The following CPQ variants were observed in gnomAD, a reference collection of about 807,000 sequenced individuals.
CPQ encodes carboxypeptidase Q.
In CPQ, 37 loss-of-function variants were observed where a neutral mutation model predicts 45.7. The ratio of observed to expected loss-of-function variants is 0.81; its 90% CI spans 0.62 to 1.07. The LOEUF is 1.07. CPQ is among the 50% of genes least tolerant of loss of function. The pLI is 0.00. For synonymous variants in CPQ, 186 were observed against 205.8 expected (o/e 0.90, Z 0.82); for missense variants, 537 against 572.9 (o/e 0.94, Z 0.64).
rs76855747 is a variant in CPQ, at chr8:96,900,051, A to C, written c.849+20046A>C. On this transcript the variant is annotated intron_variant, in intron 4 of 7. Coordinates refer to ENST00000220763, the MANE Select transcript of CPQ (RefSeq NM_016134.4). ...GTACCTTTTCTTTCTGACTAACAGA[A>C]CTCTCTTGTTGTAAAACAGCCCAGT... Among the ~76,000 whole-genome samples, 947 of 151,974 alleles carry C rather than the reference A, an allele frequency of 6.2e-3. 7 individuals are homozygous for C. The highest frequency in any genetic ancestry group is 0.011 in the Non-Finnish European group (740 of 67,956).
chr8:96,813,221 A>T (rs1050358375), intron 2 of CPQ, among the ~76,000 whole-genome samples: 1 of 152,098 alleles, frequency 6.6e-6, no homozygotes, highest in Admixed American at 6.6e-5. Context: ...CTTCTATGTA[A>T]TCAAGAGATA....
intron 3 of CPQ, among the ~76,000 whole-genome samples, chr8:96,867,161 T>C (rs1315899267): frequency 1.3e-5 from 2 of 152,092 alleles, no homozygotes; most frequent in Non-Finnish European, 2.9e-5. Context: ...CAATGTTTCT[T>C]ATACCTTCCC....
chr8:96,811,408 C>G (rs1196802399), intron 2 of CPQ, among the ~76,000 whole-genome samples: 1 of 151,852 alleles, frequency 6.6e-6, no homozygotes, highest in African/African-American at 2.4e-5. Context: ...TTATTTGGAA[C>G]AAAATGGAAG....
Position 96,936,833 on chromosome 8 carries a change from G to A in CPQ, c.850-29102G>A, listed in dbSNP as rs113972121. Among the ~76,000 whole-genome samples, 788 of 152,196 alleles carry A rather than the reference G, an allele frequency of 5.2e-3. 6 individuals are homozygous for A. Among genetic ancestry groups the A allele is most frequent in the African/African-American group, 0.018 (739 of 41,518 alleles). On this transcript the variant is annotated intron_variant, in intron 4 of 7. Coordinates refer to ENST00000220763, the MANE Select transcript of CPQ (RefSeq NM_016134.4). The stretch of plus-strand genomic sequence containing the variant: ...AGAAGGTTCTCAGTAAGCATATGAC[G>A]TATCTATTACTTTATCTTTACCTTG...
chr8:96,973,286 A>G (rs1813713234), intron 5 of CPQ, among the ~76,000 whole-genome samples: 1 of 152,184 alleles, frequency 6.6e-6, no homozygotes, highest in Non-Finnish European at 1.5e-5. Context: ...TTCAAAGACA[A>G]GGCTTTCAAA....
At chr8:96,870,878 A>G (rs1288560231) in intron 3 of CPQ, among the ~76,000 whole-genome samples, 1 of 151,984 alleles carries the variant, frequency 6.6e-6, no homozygotes, top group Admixed American at 6.6e-5. Context: ...GGATCACTAC[A>G]TATTTGAATA....
chr8:96,791,240 A>C lies in CPQ; in HGVS notation c.433+5910A>C, dbSNP rs113620435. On this transcript the variant is annotated intron_variant, in intron 2 of 7. Transcript: ENST00000220763. ...AGTTTGTGCTTTTAGTCATTAGACTATATTGCCTCACATACAAATATTTTA... is the reference window on the plus strand; with the variant it reads ...AGTTTGTGCTTTTAGTCATTAGACTCTATTGCCTCACATACAAATATTTTA... 2.1e-3 allele frequency among the ~76,000 whole-genome samples: 326 copies of C among 152,306 alleles called. 2 individuals carry two copies. The highest frequency in any genetic ancestry group is 6.8e-3 in the African/African-American group (282 of 41,566).
chr8:97,005,989 G>T (rs1319062625), intron 5 of CPQ, among the ~76,000 whole-genome samples: 1 of 152,102 alleles, frequency 6.6e-6, no homozygotes, highest in Non-Finnish European at 1.5e-5. Context: ...AACATCCCAG[G>T]TATCGTCTGC....
chr8:97,014,417 G>A (rs1470676155), intron 5 of CPQ, among the ~76,000 whole-genome samples: 2 of 152,154 alleles, frequency 1.3e-5, no homozygotes, highest in East Asian at 3.9e-4. Flanking sequence ...TTGGGAGGCC[G>A]AGGCGGGCAG....
chr8:96,757,354 G>GATA (rs3036414), intron 1 of CPQ, among the ~76,000 whole-genome samples: 4,421 of 139,322 alleles, frequency 0.032, 79 homozygotes, highest in African/African-American at 0.043. Context: ...CCATCTCAAT[G>GATA]ATAATAATAA....
intron 2 of CPQ, among the ~76,000 whole-genome samples, chr8:96,800,229 C>T (rs563785033): frequency 3.3e-5 from 5 of 152,134 alleles, no homozygotes; most frequent in Admixed American, 2.6e-4. Flanking sequence ...AAGAGGAAGC[C>T]TAAAAGCTAG....
At position 97,065,998 on chromosome 8, in the gene CPQ, C is replaced by T; in HGVS notation, c.1054-11C>T. 1 of 1,609,358 alleles carries T rather than the reference C, an allele frequency of 6.2e-7. No individual in the cohort carries two copies. Among genetic ancestry groups the T allele is most frequent in the South Asian group, 1.1e-5 (1 of 90,346 alleles). On this transcript the variant is annotated splice_polypyrimidine_tract_variant and intron_variant, in intron 6 of 7. Coordinates refer to ENST00000220763, the MANE Select transcript of CPQ (RefSeq NM_016134.4). ...ACAGATAAGAACCAAACAATTTTCT[C>T]TTGTGTTTAGGTAAATATTTCCAAC...
chr8:96,702,097 A>C (rs1366341764), intron 1 of CPQ, among the ~76,000 whole-genome samples: 1 of 152,164 alleles, frequency 6.6e-6, no homozygotes, highest in Admixed American at 6.6e-5. Context: ...GTTGTCATGG[A>C]AAGAGGCTGT....
chr8:96,899,538 C>T (rs1375329377), intron 4 of CPQ, among the ~76,000 whole-genome samples: 2 of 152,070 alleles, frequency 1.3e-5, no homozygotes. Flanking sequence ...ACTTAGGAAG[C>T]TTACAATCAT....
Position 96,785,170 on chromosome 8 carries a change from G to A in CPQ, c.273G>A (p.Met91Ile), listed in dbSNP as rs751024063. 11 of 1,613,552 alleles carry A rather than the reference G, an allele frequency of 6.8e-6. No individual in the cohort carries two copies. In the Admixed American group the frequency reaches 1.7e-4, roughly 24 times the overall value. ...SKNLEKAIQI[M>I]YQNLQQDGLE... is the part of the protein sequence containing the mutation. ...ACCTAGAAAAAGCCATCCAAATTAT[G>A]TACCAAAACCTGCAGCAAGATGGGC... The change falls in exon 2 of 8, where the codon ATG (methionine) becomes ATA (isoleucine). Residue 91 changes from methionine (M) to isoleucine (I), a missense_variant. By Grantham distance (10) the Met-to-Ile change is conservative (BLOSUM62 1). Transcript: ENST00000220763.
chr8:96,734,986 T>TTCTCTCTCTCTGCC (rs756405866), intron 1 of CPQ, among the ~76,000 whole-genome samples: 1 of 151,884 alleles, frequency 6.6e-6, no homozygotes, highest in Non-Finnish European at 1.5e-5. Flanking sequence ...CTCTTTCTGT[T>TTCTCTCTCTCTGCC]TCTCTCTCTC....
chr8:97,096,435 T>C (rs1359727996), intron 7 of CPQ, among the ~76,000 whole-genome samples: 2 of 152,226 alleles, frequency 1.3e-5, no homozygotes, highest in Admixed American at 6.5e-5. Context: ...CTTTGAACTT[T>C]ATCTCCTAGA....
chr8:97,143,128 G>C lies in CPQ; in HGVS notation c.1364G>C (p.Trp455Ser). Residue 455 changes from tryptophan to serine, a missense_variant, in exon 8 of 8, where the codon TGG becomes TCG. Transcript: ENST00000220763. ...PKQMNVAAAV[W>S]AVVSYVVADM... Reference sequence around the variant, plus strand: ...CAGATGAATGTTGCTGCTGCTGTTTGGGCTGTTGTTTCTTATGTTGTTGCA... The same window carrying C: ...CAGATGAATGTTGCTGCTGCTGTTTCGGCTGTTGTTTCTTATGTTGTTGCA... 6.2e-7 allele frequency: 1 copy of C among 1,613,938 alleles called. No homozygotes were observed. Among genetic ancestry groups the C allele is most frequent in the Non-Finnish European group, 8.5e-7 (1 of 1,179,920 alleles).
chr8:96,898,776 TAAAAAA>T (rs11390361), intron 4 of CPQ, among the ~76,000 whole-genome samples: 6 of 137,646 alleles, frequency 4.4e-5, no homozygotes, highest in Non-Finnish European at 7.7e-5. Flanking sequence ...TAGGGTATAA[TAAAAAA>T]AAAAAAAAAA....
Sources: allele counts gnomAD v4.1 joint callset (sites outside exome capture counted in the v4.1 genomes callset), GRCh38; gene constraint gnomAD v4.1.1; transcripts MANE v1.5; gene names NCBI Gene and HGNC (gene_info 2026-07-23, HGNC 2026-07-21).